CCDC102B: variants seen among roughly 807,000 people sequenced by gnomAD.
CCDC102B encodes coiled-coil domain-containing protein 102B.
In CCDC102B, 75 loss-of-function variants were observed where a neutral mutation model predicts 57.4. That is an observed-to-expected ratio of 1.31 (90% CI 1.08 to 1.58). CCDC102B has a LOEUF of 1.58. CCDC102B is among the 40% of genes most tolerant of loss of function. CCDC102B has a pLI of 0.00. For missense variants in CCDC102B, 636 were observed against 582.6 expected (o/e 1.09, Z -0.94); for synonymous variants, 206 against 201.9 (o/e 1.02, Z -0.17).
At chr18:69,026,457 CAAAA>C (rs547625543) in intron 7 of CCDC102B, among the ~76,000 whole-genome samples, 3 of 74,976 alleles carry the variant, frequency 4.0e-5, no homozygotes, top group Admixed American at 1.4e-4. Context: ...AACCCTGTCT[CAAAA>C]AAAAAAAAAA....
intron 6 of CCDC102B, among the ~76,000 whole-genome samples, chr18:68,989,276 T>C (rs1010159404): frequency 3.3e-5 from 5 of 152,170 alleles, no homozygotes; most frequent in African/African-American, 1.2e-4. Flanking sequence ...GGACAAAAAA[T>C]ATATTGGATT....
intron 6 of CCDC102B, among the ~76,000 whole-genome samples, chr18:68,976,951 A>G (rs1454436157): frequency 6.6e-6 from 1 of 151,994 alleles, no homozygotes; most frequent in Non-Finnish European, 1.5e-5. Context: ...CATCACTGAT[A>G]ATTTATACCA....
At chr18:68,831,893 T>C (rs1340028716) in intron 1 of CCDC102B, among the ~76,000 whole-genome samples, 2 of 152,200 alleles carry the variant, frequency 1.3e-5, no homozygotes, top group Non-Finnish European at 2.9e-5. Flanking sequence ...TCATCATTTG[T>C]GCATGTTTGA....
chr18:68,957,228 A>G (rs2049924238), intron 6 of CCDC102B, among the ~76,000 whole-genome samples: 1 of 151,908 alleles, frequency 6.6e-6, no homozygotes, highest in South Asian at 2.1e-4. Context: ...GAGTTTCCCT[A>G]GAGTTTTCTT....
intron 2 of CCDC102B, among the ~76,000 whole-genome samples, chr18:68,784,312 G>C (rs1337577297): frequency 6.6e-6 from 1 of 152,112 alleles, no homozygotes; most frequent in Non-Finnish European, 1.5e-5. Flanking sequence ...AGGAGGAAGA[G>C]AGAGAGGGAA....
intron 6 of CCDC102B, among the ~76,000 whole-genome samples, chr18:68,977,333 G>T (rs2050464627): frequency 6.6e-6 from 1 of 151,870 alleles, no homozygotes; most frequent in Non-Finnish European, 1.5e-5. Flanking sequence ...TGTTACATAG[G>T]TATACACATG....
intron 6 of CCDC102B, among the ~76,000 whole-genome samples, chr18:68,958,899 C>T (rs1056692666): frequency 2.0e-5 from 3 of 151,980 alleles, no homozygotes; most frequent in African/African-American, 7.3e-5. Context: ...ATTCTGAGTT[C>T]CTTCTCTGTG....
intron 6 of CCDC102B, among the ~76,000 whole-genome samples, chr18:68,901,329 T>C (rs964963817): frequency 2.0e-5 from 3 of 152,172 alleles, no homozygotes; most frequent in Admixed American, 6.5e-5. Context: ...CTGTGGCATA[T>C]CCTTTTGAAA....
chr18:69,054,802 A>G lies in CCDC102B; in HGVS notation c.*665A>G, dbSNP rs2052788140. On this transcript the variant is annotated 3_prime_UTR_variant, in exon 8 of 8. Coordinates refer to ENST00000360242, the MANE Select transcript of CCDC102B (RefSeq NM_024781.3). ...GGACTTTTGACTTTTATCTGGATAGACATTTCTACAGTAAAATCATGGAAA... is the reference window on the plus strand; with the variant it reads ...GGACTTTTGACTTTTATCTGGATAGGCATTTCTACAGTAAAATCATGGAAA... 1 of 985,354 alleles carries G rather than the reference A, an allele frequency of 1.0e-6. No homozygotes were observed. The highest frequency in any genetic ancestry group is 1.2e-6 in the Non-Finnish European group (1 of 829,908). The allele number at this position is 985,354 out of a possible 1,614,324, so 61.0% of individuals were successfully genotyped here.
chr18:68,776,073 A>G (rs9949467), intron 2 of CCDC102B, among the ~76,000 whole-genome samples: 45,242 of 152,004 alleles, frequency 0.3, 8,099 homozygotes, highest in Non-Finnish European at 0.42. Context: ...TGAGTAGATG[A>G]CTGTTGTATA....
At chr18:68,875,737 T>C (rs2039418005) in intron 5 of CCDC102B, among the ~76,000 whole-genome samples, 1 of 152,050 alleles carries the variant, frequency 6.6e-6, no homozygotes, top group Non-Finnish European at 1.5e-5. Flanking sequence ...ATAATAGTAA[T>C]AATAATATTA....
chr18:68,808,938 TAAG>T (rs913145126), intron 1 of CCDC102B, among the ~76,000 whole-genome samples: 4 of 152,322 alleles, frequency 2.6e-5, no homozygotes, highest in Admixed American at 6.5e-5. Flanking sequence ...ATTTATGTCA[TAAG>T]AAGTATATGT....
chr18:69,011,998 A>G (rs958377271), intron 7 of CCDC102B, among the ~76,000 whole-genome samples: 1 of 152,184 alleles, frequency 6.6e-6, no homozygotes, highest in Admixed American at 6.5e-5. Context: ...ATAATATTAT[A>G]TGGAAACAGA....
chr18:68,833,145 A>G (rs910003314), intron 1 of CCDC102B, among the ~76,000 whole-genome samples: 1 of 152,172 alleles, frequency 6.6e-6, no homozygotes, highest in African/African-American at 2.4e-5. Context: ...TTTCATATGA[A>G]AAGGTGGTAG....
At chr18:68,866,665 GC>G in intron 4 of CCDC102B, 1 of 381,552 alleles carries the variant, frequency 2.6e-6, no homozygotes, top group Non-Finnish European at 5.1e-6. Flanking sequence ...GATTCAAACC[GC>G]CCTTTATCTT....
intron 1 of CCDC102B, among the ~76,000 whole-genome samples, chr18:68,830,213 C>G (rs1050989244): frequency 1.1e-4 from 16 of 152,046 alleles, no homozygotes; most frequent in African/African-American, 3.9e-4. Context: ...ATTTCAGATA[C>G]AGTCACCTGC....
At chr18:68,963,787 C>T (rs1309883016) in intron 6 of CCDC102B, among the ~76,000 whole-genome samples, 1 of 151,654 alleles carries the variant, frequency 6.6e-6, no homozygotes, top group Non-Finnish European at 1.5e-5. Flanking sequence ...ATTCTTAATA[C>T]TATGTATATG....
intron 3 of CCDC102B, among the ~76,000 whole-genome samples, chr18:68,842,019 G>A (rs1344060187): frequency 5.3e-5 from 8 of 152,180 alleles, no homozygotes; most frequent in Admixed American, 2.6e-4. Context: ...GATTACAGGC[G>A]TGAGCCACTG....
chr18:68,833,387 T>G (rs2037227674), intron 1 of CCDC102B, among the ~76,000 whole-genome samples: 1 of 125,756 alleles, frequency 8.0e-6, no homozygotes, highest in African/African-American at 2.6e-5. Context: ...TTTCCTGTTT[T>G]TTTTTTTTTT....
Sources: allele counts gnomAD v4.1 joint callset (sites outside exome capture counted in the v4.1 genomes callset), GRCh38; gene constraint gnomAD v4.1.1; transcripts MANE v1.5; gene names NCBI Gene and HGNC (gene_info 2026-07-23, HGNC 2026-07-21).